RANBP2: variants seen among roughly 807,000 people sequenced by gnomAD.
The protein encoded by RANBP2 is RAN binding protein 2, also known as E3 SUMO-protein ligase RanBP2.
Under a neutral mutation model 303.6 loss-of-function variants are expected in RANBP2, and 57 were observed. The ratio of observed to expected loss-of-function variants is 0.19; its 90% CI spans 0.15 to 0.23. RANBP2 has a LOEUF of 0.23. Ranked by LOEUF, RANBP2 falls within the 10% of genes least tolerant of loss-of-function variation. The pLI is 1.00. For synonymous variants in RANBP2, 1,167 were observed against 1,301.5 expected (o/e 0.90, Z 2.23); for missense variants, 3,138 against 3,780.8 (o/e 0.83, Z 4.46).
chr2:109,496,215 C>G, the RANBP2 span, among the ~76,000 whole-genome samples: 15 of 152,278 alleles, frequency 9.9e-5, no homozygotes, highest in East Asian at 2.9e-3. Context: ...GTGCATTTTA[C>G]AGAGTGCTGA....
At chr2:109,545,457 T>C in the RANBP2 span, 1 of 1,536,172 alleles carries the variant, frequency 6.5e-7, no homozygotes, top group Non-Finnish European at 8.7e-7. Flanking sequence ...TGGCCCTCTC[T>C]ACCTTTCTCT....
At chr2:108,841,919 A>G in the RANBP2 span, among the ~76,000 whole-genome samples, 1 of 152,132 alleles carries the variant, frequency 6.6e-6, no homozygotes, top group South Asian at 2.1e-4. Flanking sequence ...TAACTTTTCT[A>G]ATAGTTCTTC....
the RANBP2 span, among the ~76,000 whole-genome samples, chr2:108,923,664 C>T: frequency 2.6e-4 from 40 of 152,236 alleles, no homozygotes; most frequent in African/African-American, 6.5e-4. Context: ...TATTGAGCTG[C>T]CAACGTGGGC....
At chr2:108,876,019 C>CT in the RANBP2 span, 1 of 928,654 alleles carries the variant, frequency 1.1e-6, no homozygotes, top group South Asian at 2.1e-5. Flanking sequence ...CATAAATTAT[C>CT]TGTCAGTGTC....
At chr2:109,656,940 A>G in the RANBP2 span, among the ~76,000 whole-genome samples, 9 of 152,230 alleles carry the variant, frequency 5.9e-5, no homozygotes, top group African/African-American at 1.2e-4. Flanking sequence ...ACAGCCCCCA[A>G]TGGAGAAGGG....
the RANBP2 span, among the ~76,000 whole-genome samples, chr2:109,431,947 C>T: frequency 6.6e-6 from 1 of 152,152 alleles, no homozygotes; most frequent in African/African-American, 2.4e-5. Flanking sequence ...TCTAACTTAA[C>T]CACCTTTCCC....
chr2:109,202,631 C>T, the RANBP2 span, among the ~76,000 whole-genome samples: 1 of 152,164 alleles, frequency 6.6e-6, no homozygotes, highest in Non-Finnish European at 1.5e-5. Flanking sequence ...GTCAGCCCGG[C>T]CCCAGGAACC....
the RANBP2 span, among the ~76,000 whole-genome samples, chr2:108,811,245 C>CTTTT: frequency 0.63 from 68,666 of 108,426 alleles, 24,095 homozygotes; most frequent in East Asian, 0.88. Context: ...CTTTCTCTCT[C>CTTTT]TCTTTTTTTT....
At chr2:108,969,636 T>C in the RANBP2 span, among the ~76,000 whole-genome samples, 1 of 152,224 alleles carries the variant, frequency 6.6e-6, no homozygotes, top group African/African-American at 2.4e-5. Flanking sequence ...TACAGGAATT[T>C]TGCTTTGGGT....
At chr2:109,059,097 G>C in the RANBP2 span, among the ~76,000 whole-genome samples, 6 of 152,144 alleles carry the variant, frequency 3.9e-5, no homozygotes, top group African/African-American at 1.4e-4. Flanking sequence ...GTTCCAAAGC[G>C]GGGGTGGGGA....
the RANBP2 span, among the ~76,000 whole-genome samples, chr2:108,860,163 A>T: frequency 6.6e-6 from 1 of 151,770 alleles, no homozygotes; most frequent in African/African-American, 2.4e-5. Context: ...TGTTGTTTTG[A>T]TGTAAGCTAC....
chr2:109,592,611 T>A, the RANBP2 span, among the ~76,000 whole-genome samples: 23 of 151,424 alleles, frequency 1.5e-4, no homozygotes, highest in South Asian at 4.8e-3. Context: ...AAACCCCATC[T>A]CTACTAAAAT....
At chr2:109,028,659 T>G in the RANBP2 span, among the ~76,000 whole-genome samples, 1 of 152,140 alleles carries the variant, frequency 6.6e-6, no homozygotes, top group East Asian at 1.9e-4. Flanking sequence ...CCACAGGCCC[T>G]CCGAGGGTGG....
chr2:109,501,475 G>T, the RANBP2 span: 3 of 767,840 alleles, frequency 3.9e-6, no homozygotes, highest in Non-Finnish European at 7.3e-6. Context: ...TGTCTGTGTG[G>T]GGCTCACCCA....
the RANBP2 span, among the ~76,000 whole-genome samples, chr2:109,373,488 A>C: frequency 1.3e-5 from 2 of 152,230 alleles, no homozygotes; most frequent in Non-Finnish European, 2.9e-5. Flanking sequence ...ATGTGAACAA[A>C]AGAGTAATGG....
the RANBP2 span, among the ~76,000 whole-genome samples, chr2:109,284,545 C>G: frequency 6.6e-6 from 1 of 152,304 alleles, no homozygotes; most frequent in South Asian, 2.1e-4. Context: ...GCAGGAAACC[C>G]TGTGTTTGAA....
At chr2:109,531,872 C>T in the RANBP2 span, among the ~76,000 whole-genome samples, 3 of 152,218 alleles carry the variant, frequency 2.0e-5, no homozygotes, top group Non-Finnish European at 4.4e-5. Flanking sequence ...ATTAATGCCC[C>T]AACATCAGTG....
chr2:109,345,223 A>G, the RANBP2 span, among the ~76,000 whole-genome samples: 57 of 152,192 alleles, frequency 3.7e-4, 2 homozygotes, highest in South Asian at 8.7e-3. Context: ...CAGTTACACA[A>G]TGTGGGTGTG....
At chr2:109,129,600 C>A in the RANBP2 span, 1 of 1,480,002 alleles carries the variant, frequency 6.8e-7, no homozygotes, top group Non-Finnish European at 8.9e-7. Flanking sequence ...CTGCGCAGAG[C>A]GAGGGCGACG....
Sources: gnomAD v4.1 joint callset for allele counts (sites outside exome capture counted in the v4.1 genomes callset) on GRCh38, gnomAD v4.1.1 for gene constraint, MANE v1.5 for transcripts, NCBI Gene and HGNC (gene_info 2026-07-23, HGNC 2026-07-21) for gene names.